CSMD1: variants seen among roughly 807,000 people sequenced by gnomAD.
CSMD1 encodes CUB and Sushi multiple domains 1.
In CSMD1, 213 loss-of-function variants were observed where a neutral mutation model predicts 417.5. The ratio of observed to expected loss-of-function variants is 0.51; its 90% CI spans 0.46 to 0.57. The LOEUF is 0.57. Among genes scored for constraint, CSMD1 ranks in the 20% least tolerant of loss-of-function variants. CSMD1 has a pLI of 0.00. For synonymous variants in CSMD1, 2,862 were observed against 1,736.8 expected (o/e 1.65, Z -16.11); for missense variants, 6,923 against 4,529.7 (o/e 1.53, Z -15.17).
At chr8:3,537,040 T>G (rs1798231936) in intron 10 of CSMD1, among the ~76,000 whole-genome samples, 1 of 152,154 alleles carries the variant, frequency 6.6e-6, no homozygotes, top group Admixed American at 6.5e-5. Context: ...AGTCTTTCTC[T>G]GTTGCCGGGC....
At chr8:4,139,634 T>C (rs1286601101) in intron 3 of CSMD1, among the ~76,000 whole-genome samples, 1 of 151,060 alleles carries the variant, frequency 6.6e-6, no homozygotes, top group Non-Finnish European at 1.5e-5. Context: ...TTTGGAATAG[T>C]GGGACCAGCA....
chr8:4,897,381 T>A (rs1017651513), intron 1 of CSMD1, among the ~76,000 whole-genome samples: 1 of 152,106 alleles, frequency 6.6e-6, no homozygotes, highest in African/African-American at 2.4e-5. Flanking sequence ...ACCAATTCAA[T>A]CCATTCAACA....
chr8:4,816,142 G>A (rs760702528), intron 1 of CSMD1, among the ~76,000 whole-genome samples: 1 of 152,110 alleles, frequency 6.6e-6, no homozygotes, highest in Non-Finnish European at 1.5e-5. Context: ...GTTTGTCTGA[G>A]GCTTTGCATG....
At position 3,935,126 on chromosome 8, in the gene CSMD1, G is replaced by A. The variant is rs182753637; in HGVS notation, c.818+62777C>T. Among the ~76,000 whole-genome samples, 39 of 152,160 alleles carry A rather than the reference G, an allele frequency of 2.6e-4. No individual in the cohort carries two copies. The East Asian group carries it at 7.6e-3, about 29-fold the overall frequency. On this transcript the variant is annotated intron_variant, in intron 5 of 69. Coordinates refer to ENST00000635120, the MANE Select transcript of CSMD1 (RefSeq NM_033225.6). ...ACATGCCTTCTCACACATTTTCTCT[G>A]TATGTCAGAAGTAAGATTTTTAAGA...
intron 3 of CSMD1, among the ~76,000 whole-genome samples, chr8:4,259,623 G>C (rs892771920): frequency 4.6e-5 from 7 of 151,744 alleles, no homozygotes; most frequent in African/African-American, 1.5e-4. Context: ...TACAAATATA[G>C]TCGGAGTCCT....
intron 1 of CSMD1, among the ~76,000 whole-genome samples, chr8:4,958,164 G>A (rs1044734326): frequency 6.6e-6 from 1 of 152,046 alleles, no homozygotes; most frequent in Non-Finnish European, 1.5e-5. Flanking sequence ...ACAAAATGTT[G>A]TTTCGATCAA....
intron 1 of CSMD1, among the ~76,000 whole-genome samples, chr8:4,638,292 T>A (rs548524563): frequency 6.6e-6 from 1 of 152,202 alleles, no homozygotes; most frequent in East Asian, 1.9e-4. Context: ...CATACACACC[T>A]AGCCACATAA....
chr8:3,587,355 T>C (rs77899112), intron 8 of CSMD1, among the ~76,000 whole-genome samples: 4,540 of 152,250 alleles, frequency 0.03, 85 homozygotes, highest in Non-Finnish European at 0.045. Flanking sequence ...GACAAGCGCA[T>C]TGTTACAAGA....
intron 3 of CSMD1, among the ~76,000 whole-genome samples, chr8:4,134,315 C>G (rs530447082): frequency 1.3e-5 from 2 of 152,112 alleles, no homozygotes; most frequent in African/African-American, 4.8e-5. Flanking sequence ...GGTGATTAAG[C>G]TATAAAGACA....
At chr8:3,254,828 A>T (rs1236036963) in intron 26 of CSMD1, among the ~76,000 whole-genome samples, 1 of 151,792 alleles carries the variant, frequency 6.6e-6, no homozygotes, top group East Asian at 1.9e-4. Context: ...TTCCTCCTTT[A>T]GCTCGGGGTC....
At chr8:3,983,704 G>T (rs1229864607) in intron 5 of CSMD1, among the ~76,000 whole-genome samples, 10 of 152,214 alleles carry the variant, frequency 6.6e-5, no homozygotes, top group Non-Finnish European at 1.2e-4. Flanking sequence ...CCATGGATTG[G>T]GGGCCATTGC....
At chr8:4,001,098 T>A (rs1396844794) in intron 4 of CSMD1, among the ~76,000 whole-genome samples, 1 of 151,948 alleles carries the variant, frequency 6.6e-6, no homozygotes, top group African/African-American at 2.4e-5. Flanking sequence ...ATTTTTGTCA[T>A]GGCAGTCGAT....
intron 1 of CSMD1, among the ~76,000 whole-genome samples, chr8:4,784,754 A>G (rs1452220530): frequency 6.6e-6 from 1 of 152,250 alleles, no homozygotes; most frequent in Admixed American, 6.5e-5. Flanking sequence ...TCATATCTGC[A>G]AAGATCTTAA....
At chr8:3,582,004 A>G (rs1800402997) in intron 9 of CSMD1, among the ~76,000 whole-genome samples, 1 of 152,174 alleles carries the variant, frequency 6.6e-6, no homozygotes, top group African/African-American at 2.4e-5. Flanking sequence ...TATGTTGGCC[A>G]GGTTGGTCTT....
chr8:3,493,802 T>G, intron 10 of CSMD1, 76 bp from the exon 11 acceptor site: 3 of 1,249,990 alleles, frequency 2.4e-6, no homozygotes, highest in Non-Finnish European at 2.3e-6. Flanking sequence ...TGCAAATATC[T>G]AGTTATACTG....
At chr8:3,577,895 G>C (rs945453616) in intron 9 of CSMD1, among the ~76,000 whole-genome samples, 1 of 152,104 alleles carries the variant, frequency 6.6e-6, no homozygotes, top group Admixed American at 6.6e-5. Flanking sequence ...GGCAACTACC[G>C]TAAGTTCAGC....
intron 3 of CSMD1, among the ~76,000 whole-genome samples, chr8:4,396,621 AC>A (rs2128926560): frequency 6.7e-6 from 1 of 148,964 alleles, no homozygotes; most frequent in East Asian, 1.9e-4. Flanking sequence ...TGTGATACAC[AC>A]ACACACACAC....
At chr8:4,060,818 C>A (rs1431126024) in intron 3 of CSMD1, among the ~76,000 whole-genome samples, 1 of 152,028 alleles carries the variant, frequency 6.6e-6, no homozygotes, top group Non-Finnish European at 1.5e-5. Context: ...GGGGCAAGGA[C>A]TAAAATCAGA....
chr8:3,410,149 T>C (rs1585121565), intron 12 of CSMD1, among the ~76,000 whole-genome samples: 1 of 152,354 alleles, frequency 6.6e-6, no homozygotes, highest in African/African-American at 2.4e-5. Context: ...CATTAAAACA[T>C]CACTGTAATA....
Sources: gnomAD v4.1 joint callset for allele counts (sites outside exome capture counted in the v4.1 genomes callset) on GRCh38, gnomAD v4.1.1 for gene constraint, MANE v1.5 for transcripts, NCBI Gene and HGNC (gene_info 2026-07-23, HGNC 2026-07-21) for gene names.